The following LYNX1 variants were observed in gnomAD, a reference collection of about 807,000 sequenced individuals.
LYNX1 encodes the protein ly-6/neurotoxin-like protein 1.
LYNX1 carries 8 observed loss-of-function variants against 8.3 expected under a neutral mutation model. That is an observed-to-expected ratio of 0.97 (90% CI 0.57 to 1.74). The LOEUF (loss-of-function observed/expected upper bound fraction) is 1.74. Ranked by LOEUF, LYNX1 falls within the 40% of genes most tolerant of loss-of-function variation. The pLI is 0.00. For synonymous variants in LYNX1, 73 were observed against 67.9 expected (o/e 1.08, Z -0.37); for missense variants, 158 against 159.7 (o/e 0.99, Z 0.06).
chr8:142,773,947 G>C lies in LYNX1; in HGVS notation c.*1220C>G. Reference sequence around the variant, plus strand: ...TTCACAGCAGGGGCAGGTGCTCCCTGGGCTACCTGCATCGGGGATGGATTG... The same window carrying C: ...TTCACAGCAGGGGCAGGTGCTCCCTCGGCTACCTGCATCGGGGATGGATTG... On this transcript the variant is annotated 3_prime_UTR_variant, in exon 4 of 4. Transcript: ENST00000652477. 1 of 985,376 alleles carries C rather than the reference G, an allele frequency of 1.0e-6. No individual in the cohort carries two copies. 61.0% of individuals were successfully genotyped at this position (985,376 alleles called of 1,614,324 possible).
Position 142,774,105 on chromosome 8 carries a change from C to A in LYNX1, c.*1062G>T. On this transcript the variant is annotated 3_prime_UTR_variant, in exon 4 of 4. Coordinates refer to ENST00000652477, the MANE Select transcript of LYNX1 (RefSeq NM_177477.4). ...GTGGAAGGTGATGGAGGGACCCACT[C>A]ACTGTGCGCATCCCGCTGCGGGGGA... 1 of 985,328 alleles carries A rather than the reference C, an allele frequency of 1.0e-6. No homozygotes were observed. The highest frequency in any genetic ancestry group is 1.2e-6 in the Non-Finnish European group (1 of 829,902). The allele number at this position is 985,328 out of a possible 1,614,324, so 61.0% of individuals were successfully genotyped here.
In LYNX1 at chr8:142,772,652, G is replaced by A. The variant is rs1361948377; in HGVS notation, c.*2515C>T. 5.1e-6 allele frequency: 5 copies of A among 985,448 alleles called. No individual in the cohort carries two copies. The East Asian group carries it at 4.5e-4, about 89-fold the overall frequency. 61.0% of individuals were successfully genotyped at this position (985,448 alleles called of 1,614,324 possible). On this transcript the variant is annotated 3_prime_UTR_variant, in exon 4 of 4. Transcript: ENST00000652477. ...ACAGTGCTCAGGGCCACAGTGCAGT[G>A]GGGGGACCCACGTCCATCGCCACCT...
intron 3 of LYNX1, 28 bp downstream of exon 3, chr8:142,775,565 C>G: frequency 1.3e-6 from 2 of 1,566,908 alleles, no homozygotes; most frequent in African/African-American, 2.7e-5. Flanking sequence ...GCTCCCCAGG[C>G]AGGGCCACGC....
In LYNX1 at chr8:142,776,030, G is replaced by A. The variant is rs993129166; in HGVS notation, c.-73C>T. ...TAGCCCTGGATCCAACTCAGGGGTG[G>A]CGCACAGAGGATCCAACTCAGGGTG... On this transcript the variant is annotated 5_prime_UTR_variant, in exon 2 of 4. Transcript: ENST00000652477. 2 of 1,558,716 alleles carry A rather than the reference G, an allele frequency of 1.3e-6. No homozygotes were observed. Among genetic ancestry groups the A allele is most frequent in the South Asian group, 1.1e-5 (1 of 88,608 alleles).
chr8:142,774,751 C>T lies in LYNX1; in HGVS notation c.*416G>A. On this transcript the variant is annotated 3_prime_UTR_variant, in exon 4 of 4. Transcript: ENST00000652477. Reference sequence around the variant, plus strand: ...TTTCCTCCTAAGAGTCTCCCCACCACCCCACCTGCGGGCATTCCTTGTCTT... The same window carrying T: ...TTTCCTCCTAAGAGTCTCCCCACCATCCCACCTGCGGGCATTCCTTGTCTT... 1 of 1,042,512 alleles carries T rather than the reference C, an allele frequency of 9.6e-7. No individual in the cohort carries two copies. Among genetic ancestry groups the T allele is most frequent in the Non-Finnish European group, 1.2e-6 (1 of 865,808 alleles). The allele number at this position is 1,042,512 out of a possible 1,614,324, so 64.6% of individuals were successfully genotyped here.
At position 142,773,498 on chromosome 8, in the gene LYNX1, G is replaced by T. The variant is rs1427223060; in HGVS notation, c.*1669C>A. The T allele has an allele frequency of 2.0e-6, 2 of 985,402 alleles. No homozygotes were observed. Among genetic ancestry groups the T allele is most frequent in the Admixed American group, 1.2e-4 (2 of 16,262 alleles). The allele number at this position is 985,402 out of a possible 1,614,324, so 61.0% of individuals were successfully genotyped here. A position where few individuals can be genotyped will look rare whatever the true frequency, so the allele number is the denominator to read the frequency against. ...CGTTCCCACCCAAGGTCCCTTTGCA[G>T]AAGACTGGCACTGTCCTCCTCCAGC... is the stretch of plus-strand genomic sequence containing the variant. On this transcript the variant is annotated 3_prime_UTR_variant, in exon 4 of 4. Transcript: ENST00000652477.
chr8:142,777,758 C>G (rs1587619457), upstream of LYNX1: 1 of 397,864 alleles, frequency 2.5e-6, no homozygotes, highest in East Asian at 3.6e-5. Flanking sequence ...CTCAGACTCA[C>G]GTGTTCAGCC....
rs1438735428 is a variant in LYNX1, at chr8:142,773,434, T to G, written c.*1733A>C. 1.9e-5 allele frequency: 19 copies of G among 985,410 alleles called. No individual in the cohort carries two copies. Among genetic ancestry groups the G allele is most frequent in the Non-Finnish European group, 2.3e-5 (19 of 830,034 alleles). The allele number at this position is 985,410 out of a possible 1,614,324, so 61.0% of individuals were successfully genotyped here. A position where few individuals can be genotyped will look rare whatever the true frequency, so the allele number is the denominator to read the frequency against. ...AGCTCTGGGCCCAGTATGATGCCCATCTTCCCTCTGGGGAGTCACGTTCCT... is the reference window on the plus strand; with the variant it reads ...AGCTCTGGGCCCAGTATGATGCCCAGCTTCCCTCTGGGGAGTCACGTTCCT... On this transcript the variant is annotated 3_prime_UTR_variant, in exon 4 of 4. Transcript: ENST00000652477.
In LYNX1 at chr8:142,774,257, A is replaced by G; in HGVS notation, c.*910T>C. The stretch of plus-strand genomic sequence containing the variant: ...CGGCCCCAGGCTGCTCCCAACCCCC[A>G]GCCTGTGCGCGCATCCCCCAGTCCT... On this transcript the variant is annotated 3_prime_UTR_variant, in exon 4 of 4. Coordinates refer to ENST00000652477, the MANE Select transcript of LYNX1 (RefSeq NM_177477.4). 1.0e-6 allele frequency: 1 copy of G among 981,024 alleles called. No homozygotes were observed. 60.8% of individuals were successfully genotyped at this position (981,024 alleles called of 1,614,324 possible). A position where few individuals can be genotyped will look rare whatever the true frequency, so the allele number is the denominator to read the frequency against.
Position 142,773,343 on chromosome 8 carries a change from C to G in LYNX1, c.*1824G>C, listed in dbSNP as rs904783573. 1.0e-6 allele frequency: 1 copy of G among 985,710 alleles called. No individual in the cohort carries two copies. The highest frequency in any genetic ancestry group is 1.7e-5 in the African/African-American group (1 of 57,356). The allele number at this position is 985,710 out of a possible 1,614,324, so 61.1% of individuals were successfully genotyped here. Reference sequence around the variant, plus strand: ...TGCTCTCCAGGCTTAGGGCTACAGCCACAACCACTGGGGGTAGGGGCGAGG... The same window carrying G: ...TGCTCTCCAGGCTTAGGGCTACAGCGACAACCACTGGGGGTAGGGGCGAGG... On this transcript the variant is annotated 3_prime_UTR_variant, in exon 4 of 4. Transcript: ENST00000652477.
rs7830746 is a variant in LYNX1, at chr8:142,773,564, A to G, written c.*1603T>C. ...CCTCAGCAAGACTCTGCCCCCTCCC[A>G]TCCTCATGTTCTCAGGAGACTGAAG... On this transcript the variant is annotated 3_prime_UTR_variant, in exon 4 of 4. Coordinates refer to ENST00000652477, the MANE Select transcript of LYNX1 (RefSeq NM_177477.4). The G allele has an allele frequency of 2.8e-4, 278 of 985,498 alleles. No homozygotes were observed. In the African/African-American group the frequency reaches 4.3e-3, roughly 15 times the overall value. The allele number at this position is 985,498 out of a possible 1,614,324, so 61.0% of individuals were successfully genotyped here. A position where few individuals can be genotyped will look rare whatever the true frequency, so the allele number is the denominator to read the frequency against.
chr8:142,775,827 T>C (rs1815399661), intron 2 of LYNX1, 79 bp downstream of exon 2: 37 of 1,592,102 alleles, frequency 2.3e-5, no homozygotes, highest in Non-Finnish European at 3.2e-5. Context: ...TCGCTGGGAA[T>C]TCTAGCCTCC....
chr8:142,775,926 A>C lies in LYNX1; in HGVS notation c.32T>G (p.Val11Gly). The change falls in exon 2 of 4, where the codon GTC becomes GGC. Residue 11 changes from valine to glycine, a missense_variant. By Grantham distance (109) the Val-to-Gly change is moderately radical (BLOSUM62 -3). Coordinates refer to ENST00000652477, the MANE Select transcript of LYNX1 (RefSeq NM_177477.4). MTPLLTLILV[V>G]LMGLPLAQAL... ...CTTACCCAGAGGTAAGCCCATGAGG[A>C]CCACCAGGATCAGGGTGAGCAGGGG... 1 of 1,614,088 alleles carries C rather than the reference A, an allele frequency of 6.2e-7. No homozygotes were observed. Among genetic ancestry groups the C allele is most frequent in the Non-Finnish European group, 8.5e-7 (1 of 1,180,006 alleles).
chr8:142,772,175 C>T lies in LYNX1; in HGVS notation c.*2992G>A, dbSNP rs955656861. On this transcript the variant is annotated 3_prime_UTR_variant, in exon 4 of 4. Coordinates refer to ENST00000652477, the MANE Select transcript of LYNX1 (RefSeq NM_177477.4). ...CCCAAGCAGCCACTCCTGAGTCACT[C>T]GGGCATGTCCAGGACTCAGGTCCAC... The T allele has an allele frequency of 2.5e-4, 249 of 986,186 alleles. No individual in the cohort carries two copies. Among genetic ancestry groups the T allele is most frequent in the Non-Finnish European group, 2.7e-4 (228 of 830,110 alleles). 61.1% of individuals were successfully genotyped at this position (986,186 alleles called of 1,614,324 possible).
rs1200174453 is a variant in LYNX1, at chr8:142,771,824, C to A, written c.*3343G>T. 4.1e-6 allele frequency: 4 copies of A among 985,782 alleles called. No individual in the cohort carries two copies. The highest frequency in any genetic ancestry group is 4.8e-6 in the Non-Finnish European group (4 of 830,010). The allele number at this position is 985,782 out of a possible 1,614,324, so 61.1% of individuals were successfully genotyped here. A position where few individuals can be genotyped will look rare whatever the true frequency, so the allele number is the denominator to read the frequency against. On this transcript the variant is annotated 3_prime_UTR_variant, in exon 4 of 4. Coordinates refer to ENST00000652477, the MANE Select transcript of LYNX1 (RefSeq NM_177477.4). ...GGCTCCCCCACTTCCCCAGGACCTC[C>A]GCCTGGAGGAAGCCTGCCCAGGGCC...
Position 142,774,355 on chromosome 8 carries a change from C to A in LYNX1, c.*812G>T. ...GACTCGGGGGACCACCTGCTCTGCC[C>A]CTTTCCCTCCCTGCCCAGAATAGCG... On this transcript the variant is annotated 3_prime_UTR_variant, in exon 4 of 4. Transcript: ENST00000652477. The A allele has an allele frequency of 1.0e-6, 1 of 986,036 alleles. No homozygotes were observed. The highest frequency in any genetic ancestry group is 4.7e-5 in the South Asian group (1 of 21,294). 61.1% of individuals were successfully genotyped at this position (986,036 alleles called of 1,614,324 possible). A position where few individuals can be genotyped will look rare whatever the true frequency, so the allele number is the denominator to read the frequency against.
rs950719927 is a variant in LYNX1, at chr8:142,771,807, C to G, written c.*3360G>C. 2.0e-6 allele frequency: 2 copies of G among 985,764 alleles called. No individual in the cohort carries two copies. The highest frequency in any genetic ancestry group is 6.1e-5 in the Admixed American group (1 of 16,276). 61.1% of individuals were successfully genotyped at this position (985,764 alleles called of 1,614,324 possible). On this transcript the variant is annotated 3_prime_UTR_variant, in exon 4 of 4. Coordinates refer to ENST00000652477, the MANE Select transcript of LYNX1 (RefSeq NM_177477.4). The stretch of plus-strand genomic sequence containing the variant: ...GAGGCGGCAGCTGGCCTGGCTCCCC[C>G]ACTTCCCCAGGACCTCCGCCTGGAG...
At position 142,774,602 on chromosome 8, in the gene LYNX1, C is replaced by T. The variant is rs374651563; in HGVS notation, c.*565G>A. 5.3e-4 allele frequency: 520 copies of T among 986,008 alleles called. 3 individuals are homozygous for T. In the South Asian group the frequency reaches 0.016, roughly 31 times the overall value. 61.1% of individuals were successfully genotyped at this position (986,008 alleles called of 1,614,324 possible). A position where few individuals can be genotyped will look rare whatever the true frequency, so the allele number is the denominator to read the frequency against. Reference sequence around the variant, plus strand: ...TCCCCTGCAGGGGGTGGCTCCAACTCGGGCCTGGCAGACTTCCTAGCACAG... The same window carrying T: ...TCCCCTGCAGGGGGTGGCTCCAACTTGGGCCTGGCAGACTTCCTAGCACAG... On this transcript the variant is annotated 3_prime_UTR_variant, in exon 4 of 4. Transcript: ENST00000652477.
In LYNX1 at chr8:142,774,655, C is replaced by T; in HGVS notation, c.*512G>A. 1.0e-6 allele frequency: 1 copy of T among 987,846 alleles called. No individual in the cohort carries two copies. The highest frequency in any genetic ancestry group is 1.2e-6 in the Non-Finnish European group (1 of 831,592). 61.2% of individuals were successfully genotyped at this position (987,846 alleles called of 1,614,324 possible). A position where few individuals can be genotyped will look rare whatever the true frequency, so the allele number is the denominator to read the frequency against. On this transcript the variant is annotated 3_prime_UTR_variant, in exon 4 of 4. Transcript: ENST00000652477. ...GCCGGTGCCAAAGGCCCTCCTCCCA[C>T]AGCCCTGATCCCGTACCGGTCCTGG... is the stretch of plus-strand genomic sequence containing the variant.
Sources: allele counts gnomAD v4.1 joint callset, GRCh38; gene constraint gnomAD v4.1.1; transcripts MANE v1.5; gene names NCBI Gene and HGNC (gene_info 2026-07-23, HGNC 2026-07-21).